Variants in MTHFD1L observed in about 807,000 individuals in gnomAD.
MTHFD1L encodes monofunctional C1-tetrahydrofolate synthase, mitochondrial.
In MTHFD1L, 81 loss-of-function variants were observed where a neutral mutation model predicts 119.5. The observed-to-expected ratio is 0.68, with a 90% CI of 0.57 to 0.82. The LOEUF (loss-of-function observed/expected upper bound fraction) is 0.82. Ranked by LOEUF, MTHFD1L falls within the 40% of genes least tolerant of loss-of-function variation. The pLI, the probability that MTHFD1L is intolerant of heterozygous loss-of-function variation, is 0.00. For missense variants in MTHFD1L, 1,125 were observed against 1,253.4 expected (o/e 0.90, Z 1.55); for synonymous variants, 430 against 475.2 (o/e 0.90, Z 1.24).
chr6:151,024,213 T>G (rs74824856), intron 24 of MTHFD1L, among the ~76,000 whole-genome samples: 59 of 152,234 alleles, frequency 3.9e-4, no homozygotes, highest in African/African-American at 1.1e-3. Flanking sequence ...TAAGTCAGAT[T>G]TGTAGAAGAG....
chr6:151,034,689 C>G, intron 25 of MTHFD1L, 89 bp downstream of exon 25: 2 of 811,844 alleles, frequency 2.5e-6, no homozygotes, highest in Non-Finnish European at 4.2e-6. Context: ...ACATATCGCA[C>G]CAGCTAACCT....
At chr6:150,891,549 G>A (rs1465168283) in intron 7 of MTHFD1L, among the ~76,000 whole-genome samples, 4 of 147,400 alleles carry the variant, frequency 2.7e-5, no homozygotes, top group African/African-American at 9.9e-5. Flanking sequence ...ATATTATTAT[G>A]TATTAATTAT....
At chr6:150,877,164 C>T (rs1266688540) in intron 2 of MTHFD1L, among the ~76,000 whole-genome samples, 1 of 152,122 alleles carries the variant, frequency 6.6e-6, no homozygotes, top group Non-Finnish European at 1.5e-5. Context: ...GTGATCCTCC[C>T]ACCTCAGCCT....
intron 5 of MTHFD1L, among the ~76,000 whole-genome samples, chr6:150,884,974 G>A (rs1458042371): frequency 6.6e-6 from 1 of 152,080 alleles, no homozygotes; most frequent in Non-Finnish European, 1.5e-5. Context: ...ATGCTTCTGT[G>A]TAACTCTAGG....
intron 17 of MTHFD1L, among the ~76,000 whole-genome samples, chr6:150,956,638 A>G (rs866150186): frequency 6.6e-6 from 1 of 152,040 alleles, no homozygotes; most frequent in Middle Eastern, 3.4e-3. Context: ...AATTCCTATG[A>G]TTTTTCATCC....
chr6:151,040,183 A>C (rs9478922), intron 26 of MTHFD1L, among the ~76,000 whole-genome samples: 111,008 of 151,974 alleles, frequency 0.73, 41,044 homozygotes, highest in African/African-American at 0.75. Flanking sequence ...CTACCCTCTG[A>C]GGACTCTAAA....
At chr6:150,964,852 C>T in intron 18 of MTHFD1L, 117 bp from the exon 19 acceptor site, 1 of 820,704 alleles carries the variant, frequency 1.2e-6, no homozygotes. Flanking sequence ...CCCCTGTGGC[C>T]CAGGGTTGCC....
chr6:150,890,814 C>T (rs531456848), intron 7 of MTHFD1L, among the ~76,000 whole-genome samples: 1 of 152,114 alleles, frequency 6.6e-6, no homozygotes, highest in Non-Finnish European at 1.5e-5. Flanking sequence ...AAACCAAGTG[C>T]ACTGCAACAA....
At position 150,997,961 on chromosome 6, in the gene MTHFD1L, T is replaced by G. The variant is rs563341228; in HGVS notation, c.2126-11858T>G. On this transcript the variant is annotated intron_variant, in intron 20 of 27. Coordinates refer to ENST00000367321, the MANE Select transcript of MTHFD1L (RefSeq NM_015440.5). ...AGCACAAAGTGGCAGGTCCGTCTCT[T>G]CCCTTCTTAAATAAGGAATCACCAG... Among the ~76,000 whole-genome samples, 3 of 152,238 alleles carry G rather than the reference T, an allele frequency of 2.0e-5. No homozygotes were observed. The South Asian group carries it at 6.2e-4, about 32-fold the overall frequency.
rs1050998615 is a variant in MTHFD1L, at chr6:150,997,702, G to T, written c.2126-12117G>T. Among the ~76,000 whole-genome samples, 14 of 151,832 alleles carry T rather than the reference G, an allele frequency of 9.2e-5. 1 individual carries two copies. Among genetic ancestry groups the T allele is most frequent in the African/African-American group, 3.1e-4 (13 of 41,310 alleles). The stretch of plus-strand genomic sequence containing the variant: ...GCTGCTCAGGAGGCTGAGGTGGGAG[G>T]ATCACCTGAGCCCTGGAGATCAAGG... On this transcript the variant is annotated intron_variant, in intron 20 of 27. Transcript: ENST00000367321.
chr6:150,973,563 T>G (rs1205333871), intron 20 of MTHFD1L, among the ~76,000 whole-genome samples: 30 of 152,236 alleles, frequency 2.0e-4, no homozygotes, highest in Admixed American at 2.0e-3. Context: ...TAAAGTAGCT[T>G]CTAGAAGGAA....
Position 150,918,188 on chromosome 6 carries a change from C to T in MTHFD1L, c.893-389C>T, listed in dbSNP as rs542537487. Among the ~76,000 whole-genome samples, 3 of 151,704 alleles carry T rather than the reference C, an allele frequency of 2.0e-5. No homozygotes were observed. The South Asian group carries it at 6.3e-4, about 32-fold the overall frequency. On this transcript the variant is annotated intron_variant, in intron 8 of 27. Coordinates refer to ENST00000367321, the MANE Select transcript of MTHFD1L (RefSeq NM_015440.5). Reference sequence around the variant, plus strand: ...TCAAGCGATTCTCCTGCCTCAGCCTCCCAAGTAGCTGGGACTACGGGTACA... The same window carrying T: ...TCAAGCGATTCTCCTGCCTCAGCCTTCCAAGTAGCTGGGACTACGGGTACA...
intron 11 of MTHFD1L, among the ~76,000 whole-genome samples, chr6:150,931,689 C>T (rs938080644): frequency 4.6e-5 from 7 of 152,208 alleles, no homozygotes; most frequent in African/African-American, 1.4e-4. Flanking sequence ...GGCAGTGGTG[C>T]TATTCAACAA....
At chr6:151,095,074 G>A (rs1435566992) in intron 27 of MTHFD1L, among the ~76,000 whole-genome samples, 2 of 152,232 alleles carry the variant, frequency 1.3e-5, no homozygotes, top group Non-Finnish European at 2.9e-5. Flanking sequence ...GTTTGGGGGT[G>A]TTTGTATGTG....
intron 26 of MTHFD1L, among the ~76,000 whole-genome samples, chr6:151,079,650 CA>C (rs1792929320): frequency 6.6e-6 from 1 of 151,624 alleles, no homozygotes; most frequent in Non-Finnish European, 1.5e-5. Context: ...CCACCACGCC[CA>C]GCTAATTTTG....
At chr6:150,961,665 A>G (rs1201035775) in intron 18 of MTHFD1L, among the ~76,000 whole-genome samples, 1 of 152,156 alleles carries the variant, frequency 6.6e-6, no homozygotes, top group African/African-American at 2.4e-5. Flanking sequence ...AAGTGTCCGG[A>G]TTGTTTTTCA....
At chr6:150,877,292 A>G (rs568214487) in intron 2 of MTHFD1L, among the ~76,000 whole-genome samples, 3 of 152,184 alleles carry the variant, frequency 2.0e-5, no homozygotes, top group East Asian at 1.9e-4. Flanking sequence ...GGCTCAAGCA[A>G]TCCACCGCCT....
intron 27 of MTHFD1L, among the ~76,000 whole-genome samples, chr6:151,095,176 T>A (rs1310206116): frequency 6.6e-6 from 1 of 152,150 alleles, no homozygotes; most frequent in Non-Finnish European, 1.5e-5. Flanking sequence ...CTCTAGAAAA[T>A]GAAGTAAGGG....
At chr6:150,984,837 A>G (rs887929834) in intron 20 of MTHFD1L, among the ~76,000 whole-genome samples, 5 of 152,206 alleles carry the variant, frequency 3.3e-5, no homozygotes, top group Admixed American at 1.3e-4. Context: ...TTTGATGCCA[A>G]TATAATTCAT....
Sources: allele counts gnomAD v4.1 joint callset (sites outside exome capture counted in the v4.1 genomes callset), GRCh38; gene constraint gnomAD v4.1.1; transcripts MANE v1.5; gene names NCBI Gene and HGNC (gene_info 2026-07-23, HGNC 2026-07-21).